The following PCDHA6 variants were observed in gnomAD, a reference collection of about 807,000 sequenced individuals.
PCDHA6 encodes the protein protocadherin alpha 6.
In PCDHA6, 55 loss-of-function variants were observed where a neutral mutation model predicts 60.3. The ratio of observed to expected loss-of-function variants is 0.91; its 90% CI spans 0.73 to 1.14. The LOEUF (loss-of-function observed/expected upper bound fraction) is 1.14. Ranked by LOEUF, PCDHA6 falls within the 50% of genes most tolerant of loss-of-function variation. The pLI is 0.00. For missense variants in PCDHA6, 1,327 were observed against 1,256.5 expected (o/e 1.06, Z -0.85); for synonymous variants, 652 against 557.9 (o/e 1.17, Z -2.38).
At chr5:140,920,638 G>T (rs1245142321) in intron 1 of PCDHA6, among the ~76,000 whole-genome samples, 2 of 152,114 alleles carry the variant, frequency 1.3e-5, no homozygotes, top group African/African-American at 4.8e-5. Flanking sequence ...AAGGTCAAGA[G>T]ATTGAGACCA....
intron 1 of PCDHA6, chr5:140,928,862 G>A (rs1554206427): frequency 1.2e-6 from 2 of 1,614,166 alleles, no homozygotes; most frequent in Admixed American, 1.7e-5. Context: ...GTGCTGTTGA[G>A]CAACTCTGTC....
chr5:140,875,318 C>G, intron 1 of PCDHA6: 1 of 1,427,508 alleles, frequency 7.0e-7, no homozygotes, highest in South Asian at 1.6e-5. Flanking sequence ...ACATTCCAAT[C>G]ATTCACGGAA....
intron 1 of PCDHA6, among the ~76,000 whole-genome samples, chr5:140,895,848 G>T (rs147299280): frequency 6.6e-6 from 1 of 151,982 alleles, no homozygotes; most frequent in Non-Finnish European, 1.5e-5. Flanking sequence ...TCTCACTCTT[G>T]TACCCCAGGC....
chr5:140,877,168 C>T lies in PCDHA6; in HGVS notation c.2394+46683C>T, dbSNP rs199567490. The T allele has an allele frequency of 1.0e-4, 161 of 1,613,836 alleles. No homozygotes were observed. In the African/African-American group the frequency reaches 2.0e-3, roughly 20 times the overall value. On this transcript the variant is annotated intron_variant, in intron 1 of 3. Coordinates refer to ENST00000529310, the MANE Select transcript of PCDHA6 (RefSeq NM_018909.4). ...CGAGAACGACAACGCGCCGGCACTG[C>T]TGGCGACTCCGGCTGGCAGCGCAGG...
chr5:140,870,853 G>C (rs1554164757), intron 1 of PCDHA6: 2 of 1,613,888 alleles, frequency 1.2e-6, no homozygotes, highest in South Asian at 2.2e-5. Context: ...ACCGCGGTCG[G>C]TGGGTGCGGG....
At chr5:140,919,176 C>A (rs2079027921) in intron 1 of PCDHA6, among the ~76,000 whole-genome samples, 2 of 152,184 alleles carry the variant, frequency 1.3e-5, no homozygotes, top group Non-Finnish European at 1.5e-5. Flanking sequence ...GTTGCTATAT[C>A]TTCCTGATTG....
intron 1 of PCDHA6, among the ~76,000 whole-genome samples, chr5:140,954,129 G>T (rs1206426573): frequency 6.6e-6 from 1 of 152,160 alleles, no homozygotes; most frequent in Non-Finnish European, 1.5e-5. Context: ...CCTTTTTATG[G>T]ATGCATAGTA....
chr5:140,967,451 G>A, intron 1 of PCDHA6: 2 of 1,613,628 alleles, frequency 1.2e-6, no homozygotes, highest in South Asian at 2.2e-5. Flanking sequence ...GGTTCTCACA[G>A]CCGTGGATGG....
chr5:140,894,354 TTTC>T (rs1477056787), intron 1 of PCDHA6, among the ~76,000 whole-genome samples: 2 of 152,070 alleles, frequency 1.3e-5, no homozygotes, highest in Admixed American at 1.3e-4. Context: ...TTACTTCAGA[TTTC>T]TTCTTCAATG....
chr5:140,907,864 G>A (rs1033952784), intron 1 of PCDHA6, among the ~76,000 whole-genome samples: 3 of 152,202 alleles, frequency 2.0e-5, no homozygotes, highest in African/African-American at 7.2e-5. Context: ...GAGGCCAGCC[G>A]TTGGTGAGCA....
Position 140,829,634 on chromosome 5 carries a change from G to A in PCDHA6, c.1543G>A (p.Gly515Ser), listed in dbSNP as rs2150171830. 1.2e-6 allele frequency: 2 copies of A among 1,612,200 alleles called. No homozygotes were observed. The highest frequency in any genetic ancestry group is 2.7e-5 in the African/African-American group (2 of 74,890). The stretch of plus-strand genomic sequence containing the variant: ...CTACATTTCGGTGCACGCGGAGAGC[G>A]GCAAGGTGTACGCGCTGCAGCCGCT... ...SSYISVHAES[G>S]KVYALQPLDH... The change falls in exon 1 of 4, where the codon GGC (glycine) becomes AGC (serine). Residue 515 changes from glycine (G) to serine (S), a missense_variant. Transcript: ENST00000529310.
In PCDHA6 at chr5:140,856,189, C is replaced by A. The variant is rs1399826536; in HGVS notation, c.2394+25704C>A. On this transcript the variant is annotated intron_variant, in intron 1 of 3. Transcript: ENST00000529310. ...GACACGGCACCTTCGTGGGCCGCAT[C>A]GCGCAGGACCTGGGGCTGGAGCTGG... 11 of 1,598,094 alleles carry A rather than the reference C, an allele frequency of 6.9e-6. 1 individual carries two copies. In the African/African-American group the frequency reaches 1.5e-4, roughly 22 times the overall value.
intron 1 of PCDHA6, chr5:140,871,331 C>A (rs1414219251): frequency 6.2e-7 from 1 of 1,614,102 alleles, no homozygotes; most frequent in Non-Finnish European, 8.5e-7. Flanking sequence ...TGCTCCCGCG[C>A]GGTGGGGAGC....
intron 1 of PCDHA6, chr5:140,841,833 G>C: frequency 6.2e-7 from 1 of 1,613,938 alleles, no homozygotes; most frequent in Non-Finnish European, 8.5e-7. Flanking sequence ...TTAACCTACA[G>C]GCTTAGCTCT....
At position 140,834,719 on chromosome 5, in the gene PCDHA6, G is replaced by A. The variant is rs141120342; in HGVS notation, c.2394+4234G>A. On this transcript the variant is annotated intron_variant, in intron 1 of 3. Coordinates refer to ENST00000529310, the MANE Select transcript of PCDHA6 (RefSeq NM_018909.4). ...TCCACCTGGAGGTGATCGTGGAAAG[G>A]CCGCTGCAGGTTTTCCATGTGGACG... 8.2e-5 allele frequency: 132 copies of A among 1,614,242 alleles called. No homozygotes were observed. In the African/African-American group the frequency reaches 1.7e-3, roughly 21 times the overall value.
intron 1 of PCDHA6, among the ~76,000 whole-genome samples, chr5:140,959,857 T>G (rs1287315295): frequency 1.3e-5 from 2 of 152,204 alleles, no homozygotes; most frequent in African/African-American, 2.4e-5. Flanking sequence ...AAAGGAATTA[T>G]GTAGCAAAAT....
chr5:140,902,207 T>C (rs949937318), intron 1 of PCDHA6, among the ~76,000 whole-genome samples: 8 of 148,564 alleles, frequency 5.4e-5, no homozygotes, highest in South Asian at 4.3e-4. Flanking sequence ...CTCTTTCTTT[T>C]TTTTTTTTTT....
chr5:140,854,159 CAAAA>C (rs59855104), intron 1 of PCDHA6: 81 of 341,326 alleles, frequency 2.4e-4, no homozygotes, highest in Middle Eastern at 1.4e-3. Flanking sequence ...GATTCTGTCT[CAAAA>C]AAAAAAAAAA....
chr5:140,947,321 A>C (rs1365578593), intron 1 of PCDHA6, among the ~76,000 whole-genome samples: 5 of 151,748 alleles, frequency 3.3e-5, no homozygotes, highest in East Asian at 3.9e-4. Flanking sequence ...AAGTCGGTTG[A>C]CCATAAATGT....
Sources: allele counts gnomAD v4.1 joint callset (sites outside exome capture counted in the v4.1 genomes callset), GRCh38; gene constraint gnomAD v4.1.1; transcripts MANE v1.5; gene names NCBI Gene and HGNC (gene_info 2026-07-23, HGNC 2026-07-21).